The following KCTD8 variants were observed in gnomAD, a reference collection of about 807,000 sequenced individuals.
KCTD8 encodes the protein BTB/POZ domain-containing protein KCTD8.
In KCTD8, 27 loss-of-function variants were observed where a neutral mutation model predicts 31.5. That is an observed-to-expected ratio of 0.86 (90% CI 0.63 to 1.18). KCTD8 has a LOEUF of 1.18. KCTD8 is among the 50% of genes most tolerant of loss of function. The pLI is 0.00. For synonymous variants in KCTD8, 290 were observed against 280.0 expected, an observed-to-expected ratio of 1.04 and a Z score of -0.36; for missense variants, 658 against 647.7, an observed-to-expected ratio of 1.02 and a Z score of -0.17.
At chr4:44,342,383 A>G (rs1048571820) in intron 1 of KCTD8, among the ~76,000 whole-genome samples, 7 of 151,894 alleles carry the variant, frequency 4.6e-5, no homozygotes, top group Non-Finnish European at 4.4e-5. Flanking sequence ...AAAAAAAAAA[A>G]AAAAGAAAGG....
chr4:44,361,023 C>A (rs1027692670), intron 1 of KCTD8, among the ~76,000 whole-genome samples: 3 of 151,964 alleles, frequency 2.0e-5, no homozygotes, highest in African/African-American at 7.2e-5. Flanking sequence ...TAAAAGTCTT[C>A]ATATATGCCA....
chr4:44,369,741 T>C (rs1313763221), intron 1 of KCTD8, among the ~76,000 whole-genome samples: 1 of 151,922 alleles, frequency 6.6e-6, no homozygotes, highest in Non-Finnish European at 1.5e-5. Context: ...GTGGCTGCAG[T>C]GAGCCAAGAT....
intron 1 of KCTD8, among the ~76,000 whole-genome samples, chr4:44,304,371 C>T (rs988902732): frequency 6.6e-6 from 1 of 152,090 alleles, no homozygotes; most frequent in South Asian, 2.1e-4. Flanking sequence ...AAGTAGATGG[C>T]CTGCATTTAA....
At chr4:44,191,972 G>C (rs937294763) in intron 1 of KCTD8, among the ~76,000 whole-genome samples, 3 of 152,090 alleles carry the variant, frequency 2.0e-5, no homozygotes, top group African/African-American at 7.2e-5. Flanking sequence ...AAAAATTGCT[G>C]GTTTTGTGGC....
chr4:44,309,781 GATA>G (rs1717899989), intron 1 of KCTD8, among the ~76,000 whole-genome samples: 1 of 151,976 alleles, frequency 6.6e-6, no homozygotes, highest in Non-Finnish European at 1.5e-5. Context: ...ATGACAAAAG[GATA>G]ATGAGTCTAA....
intron 1 of KCTD8, among the ~76,000 whole-genome samples, chr4:44,183,966 C>A (rs77509158): frequency 3.3e-5 from 5 of 152,084 alleles, no homozygotes; most frequent in Non-Finnish European, 7.4e-5. Flanking sequence ...AAATATTAAG[C>A]ACTTGAGTCA....
At chr4:44,318,762 G>C (rs571036934) in intron 1 of KCTD8, among the ~76,000 whole-genome samples, 12 of 152,272 alleles carry the variant, frequency 7.9e-5, no homozygotes, top group African/African-American at 2.9e-4. Context: ...GCTGGAGATA[G>C]GTGATTAAAT....
chr4:44,406,997 G>A (rs770117060), intron 1 of KCTD8, among the ~76,000 whole-genome samples: 2 of 152,114 alleles, frequency 1.3e-5, no homozygotes, highest in Admixed American at 6.6e-5. Context: ...CTAATCATCA[G>A]CCAACACTTG....
chr4:44,265,320 G>A (rs1354555183), intron 1 of KCTD8, among the ~76,000 whole-genome samples: 1 of 152,176 alleles, frequency 6.6e-6, no homozygotes, highest in Non-Finnish European at 1.5e-5. Flanking sequence ...CAACAGAACT[G>A]CAGCTGAGGG....
At chr4:44,433,170 A>G (rs977064026) in intron 1 of KCTD8, among the ~76,000 whole-genome samples, 1 of 150,344 alleles carries the variant, frequency 6.7e-6, no homozygotes. Flanking sequence ...TAGGGACAGA[A>G]GCAGGGACTC....
chr4:44,198,056 G>T (rs548942185), intron 1 of KCTD8, among the ~76,000 whole-genome samples: 1 of 152,244 alleles, frequency 6.6e-6, no homozygotes, highest in South Asian at 2.1e-4. Context: ...AAGAATCTCA[G>T]AGCTCAAAGA....
intron 1 of KCTD8, among the ~76,000 whole-genome samples, chr4:44,355,169 C>T (rs568391628): frequency 3.3e-5 from 5 of 152,080 alleles, no homozygotes; most frequent in South Asian, 2.1e-4. Context: ...CTCCCGTATT[C>T]GACAAAGCAT....
At chr4:44,189,026 G>A (rs1216665722) in intron 1 of KCTD8, among the ~76,000 whole-genome samples, 1 of 152,172 alleles carries the variant, frequency 6.6e-6, no homozygotes, top group African/African-American at 2.4e-5. Flanking sequence ...TAGATATTGA[G>A]TTATGTCATC....
chr4:44,362,769 A>AT (rs752532331), intron 1 of KCTD8, among the ~76,000 whole-genome samples: 307 of 143,508 alleles, frequency 2.1e-3, no homozygotes, highest in Middle Eastern at 3.7e-3. Context: ...GTTAAAGGTA[A>AT]TTTTTTTTTT....
chr4:44,275,590 G>A (rs1300842032), intron 1 of KCTD8, among the ~76,000 whole-genome samples: 1 of 152,054 alleles, frequency 6.6e-6, no homozygotes, highest in Non-Finnish European at 1.5e-5. Context: ...AGAAGAAGTT[G>A]AAATAAGGTT....
intron 1 of KCTD8, among the ~76,000 whole-genome samples, chr4:44,320,526 TA>T (rs1214306084): frequency 1.3e-5 from 2 of 152,172 alleles, no homozygotes. Flanking sequence ...TCCCTATAAA[TA>T]TTGTGAAATA....
intron 1 of KCTD8, among the ~76,000 whole-genome samples, chr4:44,283,162 G>A (rs566103163): frequency 2.0e-5 from 3 of 151,462 alleles, no homozygotes; most frequent in Admixed American, 6.6e-5. Context: ...ATATTCTCCC[G>A]CTTCAGCCTC....
chr4:44,447,605 C>T lies in KCTD8; in HGVS notation c.919G>A (p.Asp307Asn). ...GTAAFVNQYR[D>N]DKIWSSYTEY... ...GTGTAGCTGCTCCAGATCTTGTCGT[C>T]GCGGTACTGGTTGACGAAGGCGGCG... Residue 307 changes from aspartate to asparagine, a missense_variant, in exon 1 of 2, where the codon GAC becomes AAC. Asp to Asn is a conservative substitution (Grantham distance 23). Coordinates refer to ENST00000360029, the MANE Select transcript of KCTD8 (RefSeq NM_198353.3). The T allele has an allele frequency of 1.2e-6, 2 of 1,602,264 alleles. No individual in the cohort carries two copies. Among genetic ancestry groups the T allele is most frequent in the Non-Finnish European group, 1.7e-6 (2 of 1,174,646 alleles).
At chr4:44,371,473 G>C (rs374455604) in intron 1 of KCTD8, among the ~76,000 whole-genome samples, 1 of 152,168 alleles carries the variant, frequency 6.6e-6, no homozygotes, top group Non-Finnish European at 1.5e-5. Flanking sequence ...TTGGCACAGA[G>C]TAATGTCCAA....
Sources: gnomAD v4.1 joint callset for allele counts (sites outside exome capture counted in the v4.1 genomes callset) on GRCh38, gnomAD v4.1.1 for gene constraint, MANE v1.5 for transcripts, NCBI Gene and HGNC (gene_info 2026-07-23, HGNC 2026-07-21) for gene names.